Variants in ZNF658 observed in about 807,000 individuals in gnomAD.
ZNF658 encodes the protein zinc finger protein 658.
A neutral mutation model predicts 78.0 loss-of-function variants in ZNF658; 46 were observed. The ratio of observed to expected loss-of-function variants is 0.59; its 90% CI spans 0.47 to 0.75. ZNF658 has a LOEUF of 0.75. Among genes scored for constraint, ZNF658 ranks in the 30% least tolerant of loss-of-function variants. The pLI is 0.00. For synonymous variants in ZNF658, 279 were observed against 408.4 expected, an observed-to-expected ratio of 0.68 and a Z score of 3.82; for missense variants, 785 against 1,189.3, an observed-to-expected ratio of 0.66 and a Z score of 5.00.
In ZNF658 at chr9:66,917,735, A is replaced by T; in HGVS notation, c.239-70A>T. 2.7e-6 allele frequency: 4 copies of T among 1,463,860 alleles called. No homozygotes were observed. The South Asian group carries it at 4.0e-5, about 15-fold the overall frequency. The allele number at this position is 1,463,860 out of a possible 1,614,324, so 90.7% of individuals were successfully genotyped here. On this transcript the variant is annotated intron_variant, in intron 4 of 4. Coordinates refer to ENST00000621410, the MANE Select transcript of ZNF658 (RefSeq NM_033160.7). ...TTCAAAAACCAAAACCAAAATCAAA[A>T]TATGAGTATAAGTTCTTCTCCATGA...
In ZNF658 at chr9:66,917,193, G is replaced by A. The variant is rs1263838045; in HGVS notation, c.239-612G>A. 8.5e-3 allele frequency among the ~76,000 whole-genome samples: 614 copies of A among 72,066 alleles called. 9 individuals carry two copies. The highest frequency in any genetic ancestry group is 0.013 in the Middle Eastern group (2 of 158). 47.3% of individuals were successfully genotyped at this position (72,066 alleles called of 152,430 possible). A position where few individuals can be genotyped will look rare whatever the true frequency, so the allele number is the denominator to read the frequency against. On this transcript the variant is annotated intron_variant, in intron 4 of 4. Transcript: ENST00000621410. ...ACTTTCTTTCCATTTTGTAGTATTC[G>A]TATATTTGTATATTTGTTAATCTTT...
chr9:66,907,444 T>C (rs1213129342), intron 2 of ZNF658, among the ~76,000 whole-genome samples: 1 of 152,084 alleles, frequency 6.6e-6, no homozygotes, highest in East Asian at 1.9e-4. Context: ...GTGCAATAGC[T>C]CAAAAACTAT....
intron 1 of ZNF658, among the ~76,000 whole-genome samples, chr9:66,901,851 G>T (rs1030248643): frequency 6.6e-6 from 1 of 152,038 alleles, no homozygotes; most frequent in Non-Finnish European, 1.5e-5. Flanking sequence ...GGCTGAGGCA[G>T]GAGAATCGCT....
intron 6 of ZNF658, among the ~76,000 whole-genome samples, chr9:66,927,576 G>A (rs1364233160): frequency 1.4e-5 from 2 of 146,550 alleles, no homozygotes; most frequent in Non-Finnish European, 3.0e-5. Flanking sequence ...AACACTATTC[G>A]TAATAGCTCA....
chr9:66,902,741 A>G (rs548954522), intron 1 of ZNF658, among the ~76,000 whole-genome samples: 61 of 152,108 alleles, frequency 4.0e-4, no homozygotes, highest in African/African-American at 1.5e-3. Context: ...GCCCAAAAAT[A>G]TTGGGCCTGA....
chr9:66,905,068 CTTTTT>C (rs1165611922), intron 2 of ZNF658, among the ~76,000 whole-genome samples: 106 of 31,756 alleles, frequency 3.3e-3, no homozygotes, highest in Non-Finnish European at 4.5e-3. Context: ...TTTTTCTTTT[CTTTTT>C]TTTTTTTTTT....
intron 6 of ZNF658, among the ~76,000 whole-genome samples, chr9:66,928,989 G>T (rs1822613450): frequency 6.7e-6 from 1 of 149,498 alleles, no homozygotes; most frequent in Non-Finnish European, 1.5e-5. Context: ...TTAGGAATGA[G>T]AAATTGGCAA....
intron 6 of ZNF658, among the ~76,000 whole-genome samples, chr9:66,929,786 CTTTT>C (rs375072977): frequency 1.4e-5 from 1 of 71,236 alleles, no homozygotes; most frequent in African/African-American, 4.3e-5. Context: ...TCTTTTCTTT[CTTTT>C]TTTTTTTTTT....
At chr9:66,900,998 T>C (rs1468036797) in intron 1 of ZNF658, 162 bp downstream of exon 1, 2 of 151,616 alleles carry the variant, frequency 1.3e-5, no homozygotes, top group African/African-American at 4.9e-5. Flanking sequence ...TGTCCGCAGG[T>C]GTAGGGGCTG....
chr9:66,929,067 T>A (rs74515585), intron 6 of ZNF658, among the ~76,000 whole-genome samples: 34,083 of 151,908 alleles, frequency 0.22, 4,313 homozygotes, highest in Middle Eastern at 0.43. Flanking sequence ...GGTGTGACAA[T>A]CACAGCTGTG....
At chr9:66,905,242 ATTTTAGTAT>A (rs1275078762) in intron 2 of ZNF658, among the ~76,000 whole-genome samples, 1 of 150,128 alleles carries the variant, frequency 6.7e-6, no homozygotes, top group African/African-American at 2.5e-5. Context: ...TGTCTGGCTA[ATTTTAGTAT>A]TTTTAGTAGA....
downstream of ZNF658, among the ~76,000 whole-genome samples, chr9:66,923,738 C>T (rs963452095): frequency 2.7e-5 from 4 of 150,572 alleles, no homozygotes; most frequent in Admixed American, 6.7e-5. Context: ...TAAAAAGGTA[C>T]CAAACTCAGT....
At chr9:66,914,907 A>C (rs1395452649) in intron 4 of ZNF658, among the ~76,000 whole-genome samples, 1 of 152,150 alleles carries the variant, frequency 6.6e-6, no homozygotes, top group Non-Finnish European at 1.5e-5. Flanking sequence ...TATGAGGATG[A>C]GGCAGGCCTT....
intron 2 of ZNF658, among the ~76,000 whole-genome samples, chr9:66,907,209 A>C (rs1366159057): frequency 6.6e-6 from 1 of 152,082 alleles, no homozygotes; most frequent in Non-Finnish European, 1.5e-5. Context: ...CTAAATTGCT[A>C]GTAACTCCTA....
chr9:66,904,412 C>T (rs957382921), intron 2 of ZNF658, among the ~76,000 whole-genome samples: 2 of 151,340 alleles, frequency 1.3e-5, no homozygotes, highest in Admixed American at 1.3e-4. Context: ...CTTCATGGAG[C>T]CACCTTCCTT....
chr9:66,903,038 T>C (rs1821989670), intron 1 of ZNF658: 2 of 158,042 alleles, frequency 1.3e-5, no homozygotes, highest in South Asian at 3.6e-4. Flanking sequence ...AGTAGTTCTT[T>C]GACATTAGCT....
chr9:66,920,280 C>G lies in ZNF658; in HGVS notation c.2714C>G (p.Ser905Ter), dbSNP rs1470534126. The change falls in exon 5 of 5, where the codon TCA (serine) becomes TGA (stop). Residue 905 changes from serine (S) to a stop codon, truncating the protein, a stop_gained. Transcript: ENST00000621410. LOFTEE classifies it high-confidence loss of function. Reference sequence around the variant, plus strand: ...CTCAGAGCACATCTTAGAACTCGCTCAGGGGAGAAACCCTATGAATGCAGT... The same window carrying G: ...CTCAGAGCACATCTTAGAACTCGCTGAGGGGAGAAACCCTATGAATGCAGT... ...SHLRAHLRTR[S>*]GEKPYECSEC... The G allele has an allele frequency of 6.2e-7, 1 of 1,613,582 alleles. No homozygotes were observed. The highest frequency in any genetic ancestry group is 1.1e-5 in the South Asian group (1 of 91,064).
chr9:66,919,014 G>T lies in ZNF658; in HGVS notation c.1448G>T (p.Gly483Val). The change falls in exon 5 of 5, where the codon GGA becomes GTA. Residue 483 changes from glycine to valine, a missense_variant. Coordinates refer to ENST00000621410, the MANE Select transcript of ZNF658 (RefSeq NM_033160.7). ...AGATCTTACAAGTCACCCCTCATAG[G>T]ACACCAGAAAACAGATGCAGAGATG... Reference protein sequence around the residue: ...CGRSYKSPLIGHQKTDAEMEL... With the variant: ...CGRSYKSPLIVHQKTDAEMEL... The T allele has an allele frequency of 2.1e-6, 2 of 970,544 alleles. No homozygotes were observed. Among genetic ancestry groups the T allele is most frequent in the Non-Finnish European group, 3.0e-6 (2 of 664,674 alleles). 60.1% of individuals were successfully genotyped at this position (970,544 alleles called of 1,614,324 possible). A position where few individuals can be genotyped will look rare whatever the true frequency, so the allele number is the denominator to read the frequency against.
At chr9:66,925,238 G>A (rs1040418939), downstream of ZNF658, among the ~76,000 whole-genome samples, 1 of 147,942 alleles carries the variant, frequency 6.8e-6, no homozygotes, top group African/African-American at 2.5e-5. Context: ...TATCTCTCAT[G>A]ACATTAGTTG....
Sources: allele counts gnomAD v4.1 joint callset (sites outside exome capture counted in the v4.1 genomes callset), GRCh38; gene constraint gnomAD v4.1.1; transcripts MANE v1.5; gene names NCBI Gene and HGNC (gene_info 2026-07-23, HGNC 2026-07-21).